Variants in ABCC1 observed in about 807,000 individuals in gnomAD.
The protein encoded by ABCC1 is ATP binding cassette subfamily C member 1 (ABCC1 blood group), also known as multidrug resistance-associated protein 1.
A neutral mutation model predicts 172.9 loss-of-function variants in ABCC1; 83 were observed. The ratio of observed to expected loss-of-function variants is 0.48; its 90% CI spans 0.40 to 0.58. The LOEUF (loss-of-function observed/expected upper bound fraction) is 0.58, where lower values mean the gene tolerates loss of function less well. ABCC1 is among the 20% of genes least tolerant of loss of function. The pLI is 0.00. For missense variants in ABCC1, 1,817 were observed against 2,002.7 expected (o/e 0.91, Z 1.77); for synonymous variants, 937 against 825.2 (o/e 1.14, Z -2.32).
chr16:16,100,329 T>C (rs1401773243), intron 19 of ABCC1, among the ~76,000 whole-genome samples: 2 of 148,330 alleles, frequency 1.3e-5, no homozygotes, highest in Non-Finnish European at 3.0e-5. Context: ...GGCTGAGGCT[T>C]ATAGGAGGGT....
intron 1 of ABCC1, among the ~76,000 whole-genome samples, chr16:15,960,590 A>G (rs1449561897): frequency 6.6e-6 from 1 of 152,126 alleles, no homozygotes; most frequent in Non-Finnish European, 1.5e-5. Flanking sequence ...AAGTGCTGCA[A>G]AGACTTGAAC....
intron 13 of ABCC1, among the ~76,000 whole-genome samples, chr16:16,069,172 AT>A (rs1477664594): frequency 5.0e-4 from 35 of 69,362 alleles, no homozygotes; most frequent in African/African-American, 2.7e-3. Flanking sequence ...TAAAATAAAA[AT>A]AAATAAATAA....
At chr16:15,992,533 G>C (rs539731581) in intron 1 of ABCC1, among the ~76,000 whole-genome samples, 85 of 150,276 alleles carry the variant, frequency 5.7e-4, no homozygotes, top group African/African-American at 1.8e-3. Context: ...CTGGGTAGCT[G>C]GGATTATAGG....
At chr16:16,034,660 T>C (rs1212866563) in intron 6 of ABCC1, among the ~76,000 whole-genome samples, 1 of 143,356 alleles carries the variant, frequency 7.0e-6, no homozygotes, top group Non-Finnish European at 1.5e-5. Flanking sequence ...GGACCTCAGC[T>C]CTCTGCAACC....
At chr16:16,132,510 G>GTTTTTTT (rs71137915) in intron 27 of ABCC1, among the ~76,000 whole-genome samples, 521 of 37,178 alleles carry the variant, frequency 0.014, 42 homozygotes, top group Non-Finnish European at 0.015. Flanking sequence ...TTGGTTGGTT[G>GTTTTTTT]TTTTTTTTTT....
intron 1 of ABCC1, among the ~76,000 whole-genome samples, chr16:15,954,890 T>C (rs1490681680): frequency 1.3e-5 from 2 of 152,320 alleles, no homozygotes; most frequent in Non-Finnish European, 2.9e-5. Context: ...CTAAAGAACG[T>C]GAGCTTCCTC....
chr16:16,139,800 G>A lies in ABCC1; in HGVS notation c.4487+1242G>A, dbSNP rs532811166. The stretch of plus-strand genomic sequence containing the variant: ...CCTGGGGGGTTTTGAGTTTTGTGTG[G>A]GTCATCTCTGAAGAGGTGACATTTT... On this transcript the variant is annotated intron_variant, in intron 30 of 30. Coordinates refer to ENST00000399410, the MANE Select transcript of ABCC1 (RefSeq NM_004996.4). Among the ~76,000 whole-genome samples the A allele has an allele frequency of 1.2e-4, 18 of 152,104 alleles. 1 individual carries two copies. The South Asian group carries it at 3.7e-3, about 32-fold the overall frequency.
chr16:16,112,374 CAA>C (rs1197942092), intron 22 of ABCC1, among the ~76,000 whole-genome samples: 2,456 of 133,594 alleles, frequency 0.018, 60 homozygotes, highest in African/African-American at 0.065. Flanking sequence ...AAAAAATAAA[CAA>C]AAAAAAAAAA....
chr16:16,140,509 T>C lies in ABCC1; in HGVS notation c.4488-664T>C, dbSNP rs541721267. 2.0e-5 allele frequency among the ~76,000 whole-genome samples: 3 copies of C among 152,264 alleles called. No individual in the cohort carries two copies. The East Asian group carries it at 5.8e-4, about 29-fold the overall frequency. ...GTCTCTGCACCCAGCTGACATGATG[T>C]TTCTAGTTCACTGAGTACCACCTAC... On this transcript the variant is annotated intron_variant, in intron 30 of 30. Coordinates refer to ENST00000399410, the MANE Select transcript of ABCC1 (RefSeq NM_004996.4).
Position 16,102,688 on chromosome 16 carries a change from G to A in ABCC1, c.2706G>A (p.Val902=), listed in dbSNP as rs1364524479. 1 of 1,588,470 alleles carries A rather than the reference G, an allele frequency of 6.3e-7. No individual in the cohort carries two copies. The highest frequency in any genetic ancestry group is 8.6e-7 in the Non-Finnish European group (1 of 1,167,216). Residue 902 remains valine, a synonymous_variant, in exon 20 of 31, where the codon GTG becomes GTA. Transcript: ENST00000399410. ...AGCAAATGGAGAATGGCATGCTGGT[G>A]ACGGACAGTGCAGGGAAGCAACTGC... ...EAKQMENGML[V]TDSAGKQLQR...
At chr16:16,007,710 C>A in intron 1 of ABCC1, 106 bp from the exon 2 acceptor site, 1 of 1,121,036 alleles carries the variant, frequency 8.9e-7, no homozygotes, top group Non-Finnish European at 1.3e-6. Flanking sequence ...ATATAGGAGC[C>A]TTGTCTGTTT....
chr16:16,131,561 A>C (rs968352015), intron 26 of ABCC1, among the ~76,000 whole-genome samples: 3 of 151,906 alleles, frequency 2.0e-5, no homozygotes, highest in African/African-American at 7.2e-5. Context: ...GCAGTGCGGG[A>C]GGGGACAGAG....
At position 16,068,282 on chromosome 16, in the gene ABCC1, G is replaced by A; in HGVS notation, c.1804G>A (p.Val602Ile). 4.3e-6 allele frequency: 7 copies of A among 1,614,086 alleles called. No individual in the cohort carries two copies. Among genetic ancestry groups the A allele is most frequent in the Non-Finnish European group, 5.9e-6 (7 of 1,180,030 alleles). ...GTTTCCCCTGAACATTCTCCCCATG[G>A]TCATCAGCAGCATCGTGCAGGTACA... ...LRFPLNILPM[V>I]ISSIVQASVS... The change falls in exon 13 of 31, where the codon GTC becomes ATC. Residue 602 changes from valine to isoleucine, a missense_variant. Around this residue, in one of 3 missense-constraint regions of ABCC1, gnomAD observed 1,412 missense variants for 1,600.3 expected, o/e 0.88. Transcript: ENST00000399410.
chr16:16,104,673 C>T (rs910308863), intron 20 of ABCC1, among the ~76,000 whole-genome samples: 5 of 152,222 alleles, frequency 3.3e-5, no homozygotes, highest in Admixed American at 1.3e-4. Context: ...CGCCCTCACT[C>T]CTCAGCCCTT....
intron 23 of ABCC1, among the ~76,000 whole-genome samples, chr16:16,120,809 G>A (rs558284601): frequency 6.6e-6 from 1 of 152,048 alleles, no homozygotes; most frequent in Admixed American, 6.6e-5. Flanking sequence ...CCATCGGAGG[G>A]GGGTGACGAG....
chr16:16,034,580 CTTTTTTT>C (rs35163690), intron 6 of ABCC1, among the ~76,000 whole-genome samples: 2 of 84,686 alleles, frequency 2.4e-5, no homozygotes, highest in Admixed American at 2.8e-4. Flanking sequence ...TGTATGTTAA[CTTTTTTT>C]TTTTTTTTTT....
chr16:16,011,711 C>T (rs2047791573), intron 3 of ABCC1, among the ~76,000 whole-genome samples: 1 of 151,588 alleles, frequency 6.6e-6, no homozygotes, highest in Admixed American at 6.6e-5. Context: ...GCTTTGTTGC[C>T]CAGGCTGAAA....
chr16:16,120,454 G>A (rs544536827), intron 23 of ABCC1, among the ~76,000 whole-genome samples: 6 of 152,264 alleles, frequency 3.9e-5, no homozygotes, highest in African/African-American at 1.2e-4. Flanking sequence ...AAGACTTATC[G>A]GGAGGCTCTT....
intron 1 of ABCC1, among the ~76,000 whole-genome samples, chr16:15,964,476 G>A (rs2046202758): frequency 6.6e-6 from 1 of 152,014 alleles, no homozygotes; most frequent in Admixed American, 6.6e-5. Context: ...TAATATGTGG[G>A]GATTCCAATT....
Sources: gnomAD v4.1 joint callset for allele counts (sites outside exome capture counted in the v4.1 genomes callset) on GRCh38, gnomAD v4.1.1 for gene constraint, gnomAD v4.1.1 regional missense constraint, MANE v1.5 for transcripts, NCBI Gene and HGNC (gene_info 2026-07-23, HGNC 2026-07-21) for gene names.